Variants in MACF1 observed in about 807,000 individuals in gnomAD.
The protein encoded by MACF1 is microtubule-actin cross-linking factor 1.
In MACF1, 193 loss-of-function variants were observed where a neutral mutation model predicts 854.8. That is an observed-to-expected ratio of 0.23 (90% CI 0.20 to 0.25). The LOEUF is 0.25. Ranked by LOEUF, MACF1 falls within the 10% of genes least tolerant of loss-of-function variation. MACF1 has a pLI of 1.00. For missense variants in MACF1, 7,722 were observed against 8,929.1 expected (o/e 0.86, Z 5.45); for synonymous variants, 3,185 against 3,226.7 (o/e 0.99, Z 0.44).
chr1:39,483,113 C>A (rs6667798), intron 99 of MACF1, among the ~76,000 whole-genome samples: 67,733 of 87,982 alleles, frequency 0.77, 25,334 homozygotes, highest in South Asian at 0.89. Flanking sequence ...AAAAAAAAAA[C>A]ACCCACACAT....
chr1:39,232,746 G>GTTTTTTTTTTTTTTTTTTTTTTT (rs10712180), intron 2 of MACF1, among the ~76,000 whole-genome samples: 19 of 128,474 alleles, frequency 1.5e-4, no homozygotes, highest in South Asian at 4.9e-4. Context: ...TACTCTCTTT[G>GTTTTTTTTTTTTTTTTTTTTTTT]TTTTTTTTTT....
chr1:39,443,404 G>A, intron 78 of MACF1, 42 bp from the exon 79 acceptor site: 1 of 1,561,756 alleles, frequency 6.4e-7, no homozygotes, highest in East Asian at 2.3e-5. Flanking sequence ...TTAAAGCTGA[G>A]AAATGACTAC....
At chr1:39,100,932 A>G (rs1037088378) in intron 2 of MACF1, among the ~76,000 whole-genome samples, 30 of 150,676 alleles carry the variant, frequency 2.0e-4, no homozygotes, top group African/African-American at 6.3e-4. Context: ...GTGTGTGTGT[A>G]TGTATATTTT....
At chr1:39,451,323 C>A in intron 85 of MACF1, 112 bp downstream of exon 85, 1 of 1,077,588 alleles carries the variant, frequency 9.3e-7, no homozygotes, top group South Asian at 2.1e-5. Context: ...AGAAAGAGAG[C>A]CTGACAGTTG....
chr1:39,438,078 C>A, intron 71 of MACF1, 70 bp downstream of exon 71: 2 of 1,352,190 alleles, frequency 1.5e-6, no homozygotes, highest in Admixed American at 2.1e-5. Context: ...TCTTCAGCAT[C>A]CCACCAGATT....
At chr1:39,353,855 GCTATA>G (rs1647299147) in intron 44 of MACF1, among the ~76,000 whole-genome samples, 1 of 151,846 alleles carries the variant, frequency 6.6e-6, no homozygotes, top group African/African-American at 2.4e-5. Flanking sequence ...TTCAAAGTCA[GCTATA>G]CTTCTTCATC....
chr1:39,394,887 A>G (rs1466620802), intron 58 of MACF1, among the ~76,000 whole-genome samples: 2 of 152,208 alleles, frequency 1.3e-5, no homozygotes, highest in African/African-American at 4.8e-5. Context: ...AGCTTTACCA[A>G]GATGAGTGGG....
intron 96 of MACF1, 130 bp from the exon 97 acceptor site, chr1:39,469,417 T>C (rs556609908): frequency 2.2e-4 from 151 of 700,430 alleles, no homozygotes; most frequent in Non-Finnish European, 3.3e-4. Flanking sequence ...TCCTTGCCTT[T>C]TTCCTGTTAG....
At chr1:39,228,885 T>C (rs1557530115) in intron 1 of MACF1, among the ~76,000 whole-genome samples, 1 of 152,164 alleles carries the variant, frequency 6.6e-6, no homozygotes, top group Non-Finnish European at 1.5e-5. Context: ...AACTCCCCAC[T>C]TCAGCTGATC....
At chr1:39,413,810 C>T in intron 58 of MACF1, 1 of 1,611,534 alleles carries the variant, frequency 6.2e-7, no homozygotes, top group Non-Finnish European at 8.5e-7. Flanking sequence ...CCAGCAGAAT[C>T]TGCCTCCTTT....
At chr1:39,127,940 A>AAAAT in intron 2 of MACF1, among the ~76,000 whole-genome samples, 1 of 152,362 alleles carries the variant, frequency 6.6e-6, no homozygotes, top group Admixed American at 6.5e-5. Flanking sequence ...AAAATTAAAC[A>AAAAT]TGTTCACTGT....
intron 80 of MACF1, among the ~76,000 whole-genome samples, chr1:39,445,858 G>A (rs1259582510): frequency 6.6e-5 from 10 of 152,204 alleles, no homozygotes; most frequent in African/African-American, 1.4e-4. Flanking sequence ...TACTTGGGAG[G>A]CTGAAGTAGG....
intron 14 of MACF1, 136 bp from the exon 15 acceptor site, chr1:39,287,150 G>A (rs778954522): frequency 1.2e-4 from 104 of 891,786 alleles, no homozygotes; most frequent in Non-Finnish European, 1.6e-4. Flanking sequence ...TAGTAGAGAC[G>A]GGGTTTCACC....
At chr1:39,408,498 T>C (rs1452458744) in intron 58 of MACF1, among the ~76,000 whole-genome samples, 2 of 152,124 alleles carry the variant, frequency 1.3e-5, no homozygotes, top group Non-Finnish European at 2.9e-5. Context: ...GCAGGCGGCC[T>C]ACCCCAGCCG....
Position 39,424,070 on chromosome 1 carries a change from A to G in MACF1, c.16192A>G (p.Met5398Val), listed in dbSNP as rs377568190. ...AGATGATCGAAAGGCCACAGTAGAC[A>G]TGCTTCAAGCAGAAGGAGGCAGAAT... ...LLDDRKATVD[M>V]LQAEGGRIAQ... The change falls in exon 61 of 101, where the codon ATG becomes GTG. Residue 5398 changes from methionine to valine, a missense_variant. Coordinates refer to ENST00000564288, the MANE Select transcript of MACF1 (RefSeq NM_001394062.1). 4 of 1,612,322 alleles carry G rather than the reference A, an allele frequency of 2.5e-6. No individual in the cohort carries two copies. Among genetic ancestry groups the G allele is most frequent in the Non-Finnish European group, 3.4e-6 (4 of 1,179,782 alleles).
intron 2 of MACF1, among the ~76,000 whole-genome samples, chr1:39,159,406 A>T (rs1490207799): frequency 6.6e-6 from 1 of 152,164 alleles, no homozygotes; most frequent in African/African-American, 2.4e-5. Flanking sequence ...CAGGTTTTCC[A>T]GTTGCTTGTG....
chr1:39,459,786 C>A (rs780115554), intron 91 of MACF1: 57 of 1,295,432 alleles, frequency 4.4e-5, no homozygotes, highest in Non-Finnish European at 5.5e-5. Flanking sequence ...CCTCTAATAT[C>A]TTTTGTATTT....
chr1:39,434,925 G>A (rs1040768487), intron 69 of MACF1, among the ~76,000 whole-genome samples: 1 of 152,204 alleles, frequency 6.6e-6, no homozygotes, highest in Non-Finnish European at 1.5e-5. Context: ...ATAGGGTGTT[G>A]TTACACTCAA....
chr1:39,386,026 C>T (rs1348760596), intron 57 of MACF1, 97 bp downstream of exon 57: 19 of 1,368,572 alleles, frequency 1.4e-5, no homozygotes, highest in East Asian at 4.7e-5. Context: ...GATTCCCTTA[C>T]GTAATTTGTA....
Sources: gnomAD v4.1 joint callset for allele counts (sites outside exome capture counted in the v4.1 genomes callset) on GRCh38, gnomAD v4.1.1 for gene constraint, MANE v1.5 for transcripts, NCBI Gene and HGNC (gene_info 2026-07-23, HGNC 2026-07-21) for gene names.